KCNQ5: variants seen among roughly 807,000 people sequenced by gnomAD.
KCNQ5 encodes potassium voltage-gated channel subfamily KQT member 5.
In KCNQ5, 30 loss-of-function variants were observed where a neutral mutation model predicts 98.2. The ratio of observed to expected loss-of-function variants is 0.31; its 90% CI spans 0.23 to 0.41. The LOEUF (loss-of-function observed/expected upper bound fraction) is 0.41. Ranked by LOEUF, KCNQ5 falls within the 10% of genes least tolerant of loss-of-function variation. The pLI, the probability that KCNQ5 is intolerant of heterozygous loss-of-function variation, is 1.00. For synonymous variants in KCNQ5, 458 were observed against 449.4 expected, an observed-to-expected ratio of 1.02 and a Z score of -0.24; for missense variants, 835 against 1,182.5, an observed-to-expected ratio of 0.71 and a Z score of 4.31.
chr6:72,756,527 A>G (rs920223330), intron 1 of KCNQ5, among the ~76,000 whole-genome samples: 5 of 152,154 alleles, frequency 3.3e-5, no homozygotes, highest in Non-Finnish European at 5.9e-5. Flanking sequence ...TGTGTCATCT[A>G]TTAGTAAGTT....
At chr6:73,067,900 ATATAT>A (rs1284940555) in intron 3 of KCNQ5, among the ~76,000 whole-genome samples, 11 of 462 alleles carry the variant, frequency 0.024, no homozygotes, top group Admixed American at 0.045. Flanking sequence ...ATATATATAT[ATATAT>A]AACTAAAATT....
intron 1 of KCNQ5, among the ~76,000 whole-genome samples, chr6:72,989,656 T>C (rs1465872853): frequency 5.1e-3 from 1 of 198 alleles, no homozygotes; most frequent in Non-Finnish European, 9.1e-3. Flanking sequence ...AGCTCTTTAG[T>C]TTAATTAGAT....
At chr6:72,857,499 TACAAA>T (rs1159882548) in intron 1 of KCNQ5, among the ~76,000 whole-genome samples, 1 of 152,208 alleles carries the variant, frequency 6.6e-6, no homozygotes, top group Non-Finnish European at 1.5e-5. Context: ...GCAGTTTACA[TACAAA>T]ACAAGTTTAC....
chr6:72,984,198 C>T (rs1163535980), intron 1 of KCNQ5, among the ~76,000 whole-genome samples: 1 of 152,214 alleles, frequency 6.6e-6, no homozygotes, highest in Non-Finnish European at 1.5e-5. Flanking sequence ...TGTGTCCATT[C>T]TCAGATCTCG....
intron 1 of KCNQ5, among the ~76,000 whole-genome samples, chr6:72,745,853 A>G (rs1412899630): frequency 6.6e-6 from 1 of 152,088 alleles, no homozygotes; most frequent in Non-Finnish European, 1.5e-5. Flanking sequence ...CCTAACATCT[A>G]GTGGTTCCTA....
chr6:72,736,502 CTTTTT>C (rs752921476), intron 1 of KCNQ5, among the ~76,000 whole-genome samples: 2 of 121,060 alleles, frequency 1.7e-5, no homozygotes, highest in Non-Finnish European at 3.2e-5. Flanking sequence ...AAAAAGATTT[CTTTTT>C]TTTTTTTTTT....
chr6:72,664,129 T>C (rs1275463773), intron 1 of KCNQ5, among the ~76,000 whole-genome samples: 1 of 152,182 alleles, frequency 6.6e-6, no homozygotes, highest in African/African-American at 2.4e-5. Flanking sequence ...GGACATGGAA[T>C]ACAGGAGTGA....
At chr6:73,097,968 G>C (rs555093630) in intron 5 of KCNQ5, among the ~76,000 whole-genome samples, 1 of 152,208 alleles carries the variant, frequency 6.6e-6, no homozygotes, top group Admixed American at 6.5e-5. Flanking sequence ...TCAATGCCCA[G>C]ACACTGACAA....
At chr6:72,666,798 G>A (rs1766841594) in intron 1 of KCNQ5, among the ~76,000 whole-genome samples, 1 of 152,098 alleles carries the variant, frequency 6.6e-6, no homozygotes, top group Non-Finnish European at 1.5e-5. Flanking sequence ...TCACAATAAA[G>A]TGTAAAGTCC....
intron 7 of KCNQ5, among the ~76,000 whole-genome samples, chr6:73,114,975 A>G (rs1398110619): frequency 6.6e-6 from 1 of 152,130 alleles, no homozygotes; most frequent in African/African-American, 2.4e-5. Context: ...AGCCACTTAT[A>G]TAGAGATTTT....
chr6:72,935,514 A>G lies in KCNQ5; in HGVS notation c.399-68394A>G, dbSNP rs59117965. Reference sequence around the variant, plus strand: ...CCTGCTAAGCATACTGCCGGCACTCAGAAGCAGCTGCATCAAATCTTCTCT... The same window carrying G: ...CCTGCTAAGCATACTGCCGGCACTCGGAAGCAGCTGCATCAAATCTTCTCT... On this transcript the variant is annotated intron_variant, in intron 1 of 13. Transcript: ENST00000370398. Among the ~76,000 whole-genome samples the G allele has an allele frequency of 2.8e-3, 422 of 152,280 alleles. 2 individuals carry two copies. The highest frequency in any genetic ancestry group is 9.7e-3 in the African/African-American group (403 of 41,566).
intron 1 of KCNQ5, among the ~76,000 whole-genome samples, chr6:72,809,055 G>A (rs1228742752): frequency 5.9e-5 from 9 of 151,494 alleles, no homozygotes; most frequent in African/African-American, 2.0e-4. Context: ...GGAATACTAT[G>A]CAGCCATAAA....
intron 1 of KCNQ5, among the ~76,000 whole-genome samples, chr6:72,712,571 A>C (rs1345989154): frequency 6.6e-6 from 1 of 152,200 alleles, no homozygotes; most frequent in African/African-American, 2.4e-5. Context: ...TCTCTGACAC[A>C]TTCTCAGCCT....
intron 1 of KCNQ5, among the ~76,000 whole-genome samples, chr6:72,731,413 TCAA>T (rs1326449514): frequency 6.6e-6 from 1 of 152,238 alleles, no homozygotes; most frequent in African/African-American, 2.4e-5. Context: ...ACAGTGTCTT[TCAA>T]CACAATAAAG....
At chr6:73,017,157 A>T (rs1406392896) in intron 2 of KCNQ5, among the ~76,000 whole-genome samples, 8 of 152,188 alleles carry the variant, frequency 5.3e-5, no homozygotes, top group African/African-American at 1.9e-4. Context: ...TGAATAAGGC[A>T]TCGCCCTGCC....
intron 1 of KCNQ5, among the ~76,000 whole-genome samples, chr6:72,907,621 A>G (rs1779757602): frequency 6.6e-6 from 1 of 152,104 alleles, no homozygotes; most frequent in African/African-American, 2.4e-5. Context: ...TTCTTCCTTG[A>G]CATTCCTATC....
chr6:73,116,762 A>G (rs1775514563), intron 7 of KCNQ5, among the ~76,000 whole-genome samples: 1 of 152,224 alleles, frequency 6.6e-6, no homozygotes, highest in Non-Finnish European at 1.5e-5. Flanking sequence ...AGGAACAGAA[A>G]GTAGTGTGAA....
At chr6:73,164,159 C>T (rs1195995673) in intron 10 of KCNQ5, among the ~76,000 whole-genome samples, 2 of 152,078 alleles carry the variant, frequency 1.3e-5, no homozygotes, top group Non-Finnish European at 2.9e-5. Context: ...ATGGTAAAAT[C>T]ATTTTCATTA....
At chr6:72,936,135 C>T (rs73753214) in intron 1 of KCNQ5, among the ~76,000 whole-genome samples, 2,261 of 152,312 alleles carry the variant, frequency 0.015, 54 homozygotes, top group African/African-American at 0.051. Flanking sequence ...TGAGAGTCTT[C>T]TCAAACTTGG....
Sources: allele counts gnomAD v4.1 joint callset (sites outside exome capture counted in the v4.1 genomes callset), GRCh38; gene constraint gnomAD v4.1.1; transcripts MANE v1.5; gene names NCBI Gene and HGNC (gene_info 2026-07-23, HGNC 2026-07-21).